The following SLC15A5 variants were observed in gnomAD, a reference collection of about 807,000 sequenced individuals.
SLC15A5 encodes the protein Peptide/histidine transporter ENSP00000340402.
In SLC15A5, 58 loss-of-function variants were observed where a neutral mutation model predicts 56.1. The observed-to-expected ratio is 1.03, with a 90% CI of 0.84 to 1.29. The LOEUF (loss-of-function observed/expected upper bound fraction) is 1.29, where lower values mean the gene tolerates loss of function less well. SLC15A5 is among the 50% of genes most tolerant of loss of function. The probability of loss-of-function intolerance (pLI) is 0.00; values close to 1 mark genes in which losing one functional copy is unlikely to be tolerated. For synonymous variants in SLC15A5, 264 were observed against 250.5 expected (o/e 1.05, Z -0.51); for missense variants, 681 against 672.1 (o/e 1.01, Z -0.15).
intron 4 of SLC15A5, 72 bp downstream of exon 4, chr12:16,244,508 T>C: frequency 7.3e-7 from 1 of 1,373,836 alleles, no homozygotes; most frequent in Non-Finnish European, 1.0e-6. Flanking sequence ...GGGAGAAAAT[T>C]CACCTTGACT....
In SLC15A5 at chr12:16,237,084, C is replaced by T. The variant is rs1372830139; in HGVS notation, c.1162+2597G>A. Among the ~76,000 whole-genome samples the T allele has an allele frequency of 1.3e-5, 2 of 152,068 alleles. No individual in the cohort carries two copies. Among genetic ancestry groups the T allele is most frequent in the East Asian group, 3.9e-4 (2 of 5,188 alleles). On this transcript the variant is annotated intron_variant, in intron 5 of 8. Transcript: ENST00000344941. This position sits in a 1 kb window ranked among gnomAD's most constrained non-coding sequence, Gnocchi z 4.1. Reference sequence around the variant, plus strand: ...CACAAATATATGTTCATTCATAATTCATATACCTATATACTTCACCCACAT... The same window carrying T: ...CACAAATATATGTTCATTCATAATTTATATACCTATATACTTCACCCACAT...
intron 3 of SLC15A5, among the ~76,000 whole-genome samples, chr12:16,254,942 T>C (rs1311088326): frequency 6.6e-6 from 1 of 152,086 alleles, no homozygotes; most frequent in African/African-American, 2.4e-5. Flanking sequence ...AGGATGACTA[T>C]AGTTAACAAT....
intron 5 of SLC15A5, among the ~76,000 whole-genome samples, chr12:16,225,610 A>G (rs1565663303): frequency 6.6e-6 from 1 of 152,228 alleles, no homozygotes; most frequent in Non-Finnish European, 1.5e-5. Flanking sequence ...ATTTACAAGA[A>G]AAAAACAACC....
chr12:16,229,493 A>G (rs1421948550), intron 5 of SLC15A5, among the ~76,000 whole-genome samples: 2 of 152,068 alleles, frequency 1.3e-5, no homozygotes, highest in Non-Finnish European at 2.9e-5. Flanking sequence ...ACTTACTACA[A>G]TTTGAAATTA....
At chr12:16,216,776 A>C in intron 7 of SLC15A5, 117 bp downstream of exon 7, 1 of 845,506 alleles carries the variant, frequency 1.2e-6, no homozygotes, top group Non-Finnish European at 1.7e-6. Flanking sequence ...TCTTAATTGC[A>C]AAAGTGGATC....
chr12:16,199,760 A>T (rs1376244856), intron 7 of SLC15A5, among the ~76,000 whole-genome samples: 1 of 152,140 alleles, frequency 6.6e-6, no homozygotes, highest in African/African-American at 2.4e-5. Flanking sequence ...TAAAATAATA[A>T]AAGAAGTAAT....
intron 6 of SLC15A5, among the ~76,000 whole-genome samples, chr12:16,217,889 T>TA (rs1186266584): frequency 6.6e-6 from 1 of 151,904 alleles, no homozygotes; most frequent in African/African-American, 2.4e-5. Flanking sequence ...AACAAGAGGT[T>TA]AAAAAAACCA....
At chr12:16,256,852 C>G (rs953383492) in intron 3 of SLC15A5, among the ~76,000 whole-genome samples, 4 of 103,578 alleles carry the variant, frequency 3.9e-5, no homozygotes, top group Non-Finnish European at 7.5e-5. Context: ...GAGAGAGGCT[C>G]CGTCTCAAAA....
At chr12:16,261,527 G>T (rs1864642881) in intron 2 of SLC15A5, among the ~76,000 whole-genome samples, 1 of 152,114 alleles carries the variant, frequency 6.6e-6, no homozygotes, top group African/African-American at 2.4e-5. Flanking sequence ...AAATAACGCT[G>T]TTAAGAACAT....
At chr12:16,232,172 G>A (rs970141107) in intron 5 of SLC15A5, among the ~76,000 whole-genome samples, 10 of 152,146 alleles carry the variant, frequency 6.6e-5, no homozygotes, top group Non-Finnish European at 1.0e-4. Flanking sequence ...ATAATAAGTA[G>A]CTATGAAAAA....
chr12:16,244,781 G>T lies in SLC15A5; in HGVS notation c.774C>A (p.Gly258=), dbSNP rs1006255763. ...TCAGTGCACTAACCAACACCCCAAC[G>T]CCTGTCAGGAGAGAACAACCTGCAA... ...QSEKRCSLLT[G]VGVLVSALKT... is the part of the protein sequence containing the mutation. Residue 258 remains glycine (G), a synonymous_variant, in exon 4 of 9, where the codon GGC becomes GGA. Transcript: ENST00000344941. 4.4e-5 allele frequency: 67 copies of T among 1,537,650 alleles called. No homozygotes were observed. The highest frequency in any genetic ancestry group is 5.5e-5 in the African/African-American group (4 of 73,030).
chr12:16,253,034 G>C (rs971173061), intron 3 of SLC15A5, among the ~76,000 whole-genome samples: 2 of 136,260 alleles, frequency 1.5e-5, no homozygotes, highest in East Asian at 4.6e-4. Flanking sequence ...GACTACGTAA[G>C]GGGGAAAGGA....
intron 7 of SLC15A5, among the ~76,000 whole-genome samples, chr12:16,202,876 C>T (rs566635243): frequency 1.3e-5 from 2 of 151,962 alleles, no homozygotes; most frequent in South Asian, 4.2e-4. Context: ...AGACGAATAC[C>T]ATATCATCTC....
Position 16,205,654 on chromosome 12 carries a change from T to G in SLC15A5, c.1484-11201A>C, listed in dbSNP as rs74063698. ...ATATACACATATATACACATGTATA[T>G]GCACCTTTCCTCACTTCAGCAATAT... On this transcript the variant is annotated intron_variant, in intron 7 of 8. Coordinates refer to ENST00000344941, the MANE Select transcript of SLC15A5 (RefSeq NM_001170798.1). 1.4e-3 allele frequency among the ~76,000 whole-genome samples: 203 copies of G among 149,156 alleles called. 1 individual carries two copies. The highest frequency in any genetic ancestry group is 4.7e-3 in the African/African-American group (191 of 40,714).
At chr12:16,213,821 T>C (rs2136245156) in intron 7 of SLC15A5, among the ~76,000 whole-genome samples, 1 of 152,286 alleles carries the variant, frequency 6.6e-6, no homozygotes, top group Admixed American at 6.5e-5. Flanking sequence ...CATGTGTCCT[T>C]GGTAAATTTC....
In SLC15A5 at chr12:16,194,336, C is replaced by G. The variant is rs1033350912; in HGVS notation, c.1592+9G>C. The G allele has an allele frequency of 2.6e-6, 4 of 1,514,048 alleles. No individual in the cohort carries two copies. Among genetic ancestry groups the G allele is most frequent in the Admixed American group, 2.0e-5 (1 of 50,464 alleles). The allele number at this position is 1,514,048 out of a possible 1,614,324, so 93.8% of individuals were successfully genotyped here. A position where few individuals can be genotyped will look rare whatever the true frequency, so the allele number is the denominator to read the frequency against. On this transcript the variant is annotated intron_variant, in intron 8 of 8. Transcript: ENST00000344941. ...CAGAAATTTTTCATCTTACCACACACTTACTTACCTTTGTGAAACACTGCA... is the reference window on the plus strand; with the variant it reads ...CAGAAATTTTTCATCTTACCACACAGTTACTTACCTTTGTGAAACACTGCA...
In SLC15A5 at chr12:16,253,673, T is replaced by C. The variant is rs1864541225; in HGVS notation, c.754+4028A>G. On this transcript the variant is annotated intron_variant, in intron 3 of 8. Coordinates refer to ENST00000344941, the MANE Select transcript of SLC15A5 (RefSeq NM_001170798.1). ...ATCCTTTGAGCTCAGGATTTTGAGA[T>C]CAGCCTAGGCAACATAGGGAGACCC... Among the ~76,000 whole-genome samples, 3 of 148,536 alleles carry C rather than the reference T, an allele frequency of 2.0e-5. No homozygotes were observed. The South Asian group carries it at 6.4e-4, about 32-fold the overall frequency.
chr12:16,218,943 G>A (rs1388669238), intron 6 of SLC15A5, among the ~76,000 whole-genome samples: 1 of 152,104 alleles, frequency 6.6e-6, no homozygotes, highest in Non-Finnish European at 1.5e-5. Context: ...TGATGTAAAT[G>A]TATTAATGCT....
chr12:16,262,889 C>T (rs975830797), intron 2 of SLC15A5, among the ~76,000 whole-genome samples: 6 of 152,042 alleles, frequency 3.9e-5, no homozygotes, highest in African/African-American at 7.2e-5. Context: ...GCCTTGCCTT[C>T]TCCCATGATT....
Sources: allele counts gnomAD v4.1 joint callset (sites outside exome capture counted in the v4.1 genomes callset), GRCh38; gene constraint gnomAD v4.1.1; non-coding constraint Gnocchi (gnomAD v3.1); transcripts MANE v1.5; gene names NCBI Gene and HGNC (gene_info 2026-07-23, HGNC 2026-07-21).